Variants in MAF observed in about 807,000 individuals in gnomAD.
MAF encodes transcription factor Maf.
MAF carries 10 observed loss-of-function variants against 22.0 expected under a neutral mutation model. The observed-to-expected ratio is 0.45, with a 90% CI of 0.28 to 0.77. The LOEUF (loss-of-function observed/expected upper bound fraction) is 0.77. Ranked by LOEUF, MAF falls within the 30% of genes least tolerant of loss-of-function variation. MAF has a pLI of 0.12. For synonymous variants in MAF, 337 were observed against 255.8 expected, an observed-to-expected ratio of 1.32 and a Z score of -3.03; for missense variants, 544 against 548.4, an observed-to-expected ratio of 0.99 and a Z score of 0.08.
At chr16:79,535,345 C>T in the MAF span, among the ~76,000 whole-genome samples, 1 of 151,262 alleles carries the variant, frequency 6.6e-6, no homozygotes, top group Admixed American at 6.6e-5. Context: ...GGGAAGAGAC[C>T]TTAGGCAATC....
At chr16:79,597,924 G>A (rs1913654525) in intron 1 of MAF, 6 of 1,038,360 alleles carry the variant, frequency 5.8e-6, no homozygotes, top group Non-Finnish European at 7.0e-6. Flanking sequence ...TTTTTTAATG[G>A]CAGACTAAAC....
the MAF span, among the ~76,000 whole-genome samples, chr16:79,448,547 T>A: frequency 6.6e-6 from 1 of 152,030 alleles, no homozygotes; most frequent in Non-Finnish European, 1.5e-5. Flanking sequence ...TGTCTCAGCC[T>A]CCCGAGGAGC....
chr16:79,208,631 AT>A, the MAF span, among the ~76,000 whole-genome samples: 41 of 151,188 alleles, frequency 2.7e-4, no homozygotes, highest in East Asian at 5.9e-4. Context: ...TGCTCTTTAA[AT>A]TTTTTTTTTA....
chr16:79,536,779 A>T, the MAF span, among the ~76,000 whole-genome samples: 1 of 152,206 alleles, frequency 6.6e-6, no homozygotes, highest in Admixed American at 6.5e-5. Context: ...TAGCATTTAC[A>T]TTGTATTAGT....
the MAF span, among the ~76,000 whole-genome samples, chr16:79,547,896 G>T: frequency 2.2e-5 from 3 of 138,532 alleles, no homozygotes; most frequent in South Asian, 7.9e-4. Flanking sequence ...GTGTGTGTGT[G>T]TGTGTGAGAG....
At chr16:79,581,950 G>C (rs1195125411), downstream of MAF, among the ~76,000 whole-genome samples, 1 of 152,008 alleles carries the variant, frequency 6.6e-6, no homozygotes, top group Non-Finnish European at 1.5e-5. Flanking sequence ...CCTTCCATTT[G>C]GTATTAGTTC....
the MAF span, among the ~76,000 whole-genome samples, chr16:79,255,977 CT>C: frequency 1.9e-5 from 2 of 107,946 alleles, no homozygotes; most frequent in African/African-American, 3.8e-5. Context: ...TTTTTCTTTT[CT>C]TTTCTTTTTT....
the MAF span, among the ~76,000 whole-genome samples, chr16:79,384,794 G>A: frequency 6.6e-6 from 1 of 152,090 alleles, no homozygotes; most frequent in African/African-American, 2.4e-5. Flanking sequence ...AAAAGGGGGA[G>A]CATGCTCACT....
chr16:79,234,240 C>A, the MAF span, among the ~76,000 whole-genome samples: 1 of 152,092 alleles, frequency 6.6e-6, no homozygotes, highest in East Asian at 1.9e-4. Context: ...GCCACCAAGC[C>A]CTGAACATTC....
the MAF span, among the ~76,000 whole-genome samples, chr16:79,353,124 AT>A: frequency 0.16 from 22,839 of 145,926 alleles, 3,927 homozygotes; most frequent in African/African-American, 0.43. Flanking sequence ...CTCACCAGGA[AT>A]TTTTTTTTTT....
chr16:79,334,182 C>T, the MAF span, among the ~76,000 whole-genome samples: 16 of 152,330 alleles, frequency 1.1e-4, no homozygotes, highest in East Asian at 3.1e-3. Flanking sequence ...AAGCTGAGAA[C>T]AGAAGACAAC....
chr16:79,452,866 A>G, the MAF span, among the ~76,000 whole-genome samples: 2 of 152,152 alleles, frequency 1.3e-5, no homozygotes, highest in African/African-American at 4.8e-5. Flanking sequence ...GAGTCGCGAG[A>G]TGAAAGAACC....
chr16:79,582,405 A>AT (rs916395023), downstream of MAF, among the ~76,000 whole-genome samples: 3 of 152,126 alleles, frequency 2.0e-5, no homozygotes, highest in Non-Finnish European at 4.4e-5. Flanking sequence ...CCTTCGTTTT[A>AT]TTTTTTATTT....
At chr16:79,244,243 G>C in the MAF span, among the ~76,000 whole-genome samples, 3 of 151,964 alleles carry the variant, frequency 2.0e-5, no homozygotes, top group Admixed American at 6.6e-5. Flanking sequence ...AAGAAATAAA[G>C]GGTATTCAAA....
the MAF span, among the ~76,000 whole-genome samples, chr16:79,499,453 T>A: frequency 6.6e-6 from 1 of 152,206 alleles, no homozygotes; most frequent in Non-Finnish European, 1.5e-5. Flanking sequence ...AACGGTGGCT[T>A]CCTGCTAGGA....
At chr16:79,406,065 T>C in the MAF span, among the ~76,000 whole-genome samples, 4 of 152,204 alleles carry the variant, frequency 2.6e-5, no homozygotes, top group Admixed American at 6.5e-5. Context: ...CCCAACTCCC[T>C]CACCTCTGAG....
the MAF span, among the ~76,000 whole-genome samples, chr16:79,342,642 C>T: frequency 6.6e-6 from 1 of 152,052 alleles, no homozygotes; most frequent in Admixed American, 6.5e-5. Context: ...GTCACCATTA[C>T]CGTCACCATC....
In MAF at chr16:79,597,491, A is replaced by T. The variant is rs1430876469; in HGVS notation, c.1118+1294T>A. The T allele has an allele frequency of 2.0e-5, 21 of 1,024,998 alleles. No individual in the cohort carries two copies. The East Asian group carries it at 1.3e-3, about 65-fold the overall frequency. The allele number at this position is 1,024,998 out of a possible 1,614,324, so 63.5% of individuals were successfully genotyped here. On this transcript the variant is annotated intron_variant, in intron 1 of 1. Transcript: ENST00000326043. ...GTGGGGCGTCATTCTTATTAAAAAG[A>T]AAACATTAAGAGTTCTTCAATGTTT...
chr16:79,337,082 C>G, the MAF span, among the ~76,000 whole-genome samples: 86 of 152,222 alleles, frequency 5.6e-4, no homozygotes, highest in African/African-American at 2.0e-3. Context: ...CATACAAAAC[C>G]CTGCAATTGT....
Sources: gnomAD v4.1 joint callset for allele counts (sites outside exome capture counted in the v4.1 genomes callset) on GRCh38, gnomAD v4.1.1 for gene constraint, MANE v1.5 for transcripts, NCBI Gene and HGNC (gene_info 2026-07-23, HGNC 2026-07-21) for gene names.